TMC1: variants seen among roughly 807,000 people sequenced by gnomAD.
TMC1 encodes transmembrane channel like 1.
A neutral mutation model predicts 105.8 loss-of-function variants in TMC1; 84 were observed. The ratio of observed to expected loss-of-function variants is 0.79; its 90% CI spans 0.67 to 0.95. The LOEUF (loss-of-function observed/expected upper bound fraction) is 0.95, where lower values mean the gene tolerates loss of function less well. Among genes scored for constraint, TMC1 ranks in the 40% least tolerant of loss-of-function variants. The probability of loss-of-function intolerance (pLI) is 0.00; values close to 1 mark genes in which losing one functional copy is unlikely to be tolerated. For synonymous variants in TMC1, 315 were observed against 311.5 expected, an observed-to-expected ratio of 1.01 and a Z score of -0.12; for missense variants, 817 against 914.1, an observed-to-expected ratio of 0.89 and a Z score of 1.37.
At chr9:72,663,795 C>CTT (rs3046478) in intron 5 of TMC1, among the ~76,000 whole-genome samples, 81,899 of 151,822 alleles carry the variant, frequency 0.54, 22,887 homozygotes, top group African/African-American at 0.69. Context: ...ACTTTTGACT[C>CTT]TTGTAATAAC....
chr9:72,728,367 G>C (rs766113857), intron 8 of TMC1, among the ~76,000 whole-genome samples: 21 of 152,146 alleles, frequency 1.4e-4, no homozygotes, highest in Non-Finnish European at 2.8e-4. Context: ...GATAAGTCTG[G>C]AATAGTCTTC....
Position 72,807,483 on chromosome 9 carries a change from T to G in TMC1, c.1695+1973T>G, listed in dbSNP as rs1828624596. 2.0e-5 allele frequency among the ~76,000 whole-genome samples: 3 copies of G among 152,156 alleles called. No individual in the cohort carries two copies. The South Asian group carries it at 6.2e-4, about 31-fold the overall frequency. On this transcript the variant is annotated intron_variant, in intron 18 of 23. Transcript: ENST00000297784. ...ATATTCTAGTAAAATTAGCACAAGA[T>G]AGCAAAAGCAATGGACCTCAACTTG...
At chr9:72,658,436 G>T (rs1042477736) in intron 5 of TMC1, among the ~76,000 whole-genome samples, 4 of 151,754 alleles carry the variant, frequency 2.6e-5, no homozygotes, top group Non-Finnish European at 5.9e-5. Flanking sequence ...GTTTTGCAGT[G>T]CAGGCCCTGA....
intron 13 of TMC1, among the ~76,000 whole-genome samples, chr9:72,778,354 C>A (rs747539231): frequency 1.3e-5 from 2 of 152,088 alleles, no homozygotes; most frequent in Non-Finnish European, 2.9e-5. Context: ...TTAGAGGAAG[C>A]TTGGAATGCT....
At chr9:72,823,967 TG>T (rs1478622720) in intron 20 of TMC1, among the ~76,000 whole-genome samples, 1 of 152,248 alleles carries the variant, frequency 6.6e-6, no homozygotes, top group African/African-American at 2.4e-5. Flanking sequence ...CTTTCATGCA[TG>T]ATTTTTCATA....
chr9:72,648,741 A>G (rs1825755369), intron 5 of TMC1, 77 bp downstream of exon 5: 2 of 1,365,700 alleles, frequency 1.5e-6, no homozygotes. Flanking sequence ...AACTTTGGAA[A>G]GTTTGTTTTA....
chr9:72,618,810 G>GA (rs377553141), intron 3 of TMC1, among the ~76,000 whole-genome samples: 2 of 151,814 alleles, frequency 1.3e-5, no homozygotes, highest in African/African-American at 4.8e-5. Context: ...GAAAAACAAA[G>GA]AAAAATATAA....
chr9:72,813,461 T>G (rs916852673), intron 18 of TMC1, among the ~76,000 whole-genome samples: 2 of 152,202 alleles, frequency 1.3e-5, no homozygotes, highest in Non-Finnish European at 2.9e-5. Flanking sequence ...CTGGTTCTAA[T>G]TTTCAACCAA....
chr9:72,725,317 G>GTC (rs1827095478), intron 8 of TMC1, among the ~76,000 whole-genome samples: 1 of 76,788 alleles, frequency 1.3e-5, no homozygotes, highest in Non-Finnish European at 2.4e-5. Context: ...CACATTTTAT[G>GTC]TGTGTATGTA....
intron 7 of TMC1, among the ~76,000 whole-genome samples, chr9:72,697,437 C>G (rs1826569420): frequency 6.6e-6 from 1 of 152,028 alleles, no homozygotes; most frequent in African/African-American, 2.4e-5. Context: ...GAAATACAAA[C>G]AAAGTAGCTT....
intron 1 of TMC1, among the ~76,000 whole-genome samples, chr9:72,555,657 G>A (rs1009863808): frequency 6.6e-6 from 1 of 151,572 alleles, no homozygotes; most frequent in African/African-American, 2.4e-5. Context: ...GTCTTGCTCT[G>A]TCACCCATGC....
intron 1 of TMC1, among the ~76,000 whole-genome samples, chr9:72,561,973 A>G (rs1451632971): frequency 1.3e-5 from 2 of 151,418 alleles, no homozygotes; most frequent in East Asian, 3.9e-4. Context: ...CTGCCACTGC[A>G]CTCTAGCCTG....
intron 1 of TMC1, among the ~76,000 whole-genome samples, chr9:72,576,618 C>CTTTTTTTTTTTTTTTTTTTTTT (rs71357588): frequency 7.4e-6 from 1 of 135,148 alleles, no homozygotes; most frequent in Admixed American, 7.7e-5. Context: ...CTCCCAATTT[C>CTTTTTTTTTTTTTTTTTTTTTT]TTTTTTTTTT....
intron 8 of TMC1, among the ~76,000 whole-genome samples, chr9:72,726,387 T>C (rs1375356506): frequency 6.6e-6 from 1 of 152,196 alleles, no homozygotes. Context: ...ATGCATACAC[T>C]CTTATTGTGT....
rs1043502076 is a variant in TMC1, at chr9:72,617,373, A to G, written c.-196+896A>G. ...GAGACGGGGTTTCACCATGTTGGCC[A>G]GGCTGGTCTTGATCCTGACCTCAAG... On this transcript the variant is annotated intron_variant, in intron 3 of 23. Coordinates refer to ENST00000297784, the MANE Select transcript of TMC1 (RefSeq NM_138691.3). Among the ~76,000 whole-genome samples, 8 of 152,222 alleles carry G rather than the reference A, an allele frequency of 5.3e-5. No individual in the cohort carries two copies. In the East Asian group the frequency reaches 1.4e-3, roughly 26 times the overall value.
chr9:72,608,892 T>G (rs759204771), intron 2 of TMC1, among the ~76,000 whole-genome samples: 1 of 152,110 alleles, frequency 6.6e-6, no homozygotes, highest in Non-Finnish European at 1.5e-5. Context: ...ATTCTTCAAA[T>G]AGATATTTTT....
intron 8 of TMC1, among the ~76,000 whole-genome samples, chr9:72,725,539 A>G (rs922365190): frequency 1.3e-5 from 2 of 151,678 alleles, no homozygotes; most frequent in Non-Finnish European, 2.9e-5. Flanking sequence ...TGAAGCATCC[A>G]GCACAGGAGA....
At chr9:72,596,374 C>G (rs1824720272) in intron 2 of TMC1, among the ~76,000 whole-genome samples, 1 of 152,008 alleles carries the variant, frequency 6.6e-6, no homozygotes, top group Non-Finnish European at 1.5e-5. Context: ...AGCAATACAT[C>G]TTATTTCTAC....
At chr9:72,541,591 G>C (rs1243508788) in intron 1 of TMC1, among the ~76,000 whole-genome samples, 4 of 151,596 alleles carry the variant, frequency 2.6e-5, no homozygotes, top group Admixed American at 2.0e-4. Context: ...AGGAGGCTGA[G>C]ACAGGAGAAT....
Sources: gnomAD v4.1 joint callset for allele counts (sites outside exome capture counted in the v4.1 genomes callset) on GRCh38, gnomAD v4.1.1 for gene constraint, MANE v1.5 for transcripts, NCBI Gene and HGNC (gene_info 2026-07-23, HGNC 2026-07-21) for gene names.